CERS3: variants seen among roughly 807,000 people sequenced by gnomAD.
CERS3 encodes LAG1 homolog, ceramide synthase 3.
A neutral mutation model predicts 50.3 loss-of-function variants in CERS3; 33 were observed. The observed-to-expected ratio is 0.66, with a 90% CI of 0.50 to 0.88. The LOEUF (loss-of-function observed/expected upper bound fraction) is 0.88. Ranked by LOEUF, CERS3 falls within the 40% of genes least tolerant of loss-of-function variation. CERS3 has a pLI of 0.00. For synonymous variants in CERS3, 176 were observed against 155.2 expected, an observed-to-expected ratio of 1.13 and a Z score of -0.99; for missense variants, 470 against 460.3, an observed-to-expected ratio of 1.02 and a Z score of -0.19.
At chr15:100,532,874 T>G (rs2036971703), upstream of CERS3, among the ~76,000 whole-genome samples, 1 of 152,346 alleles carries the variant, frequency 6.6e-6, no homozygotes, top group African/African-American at 2.4e-5. Context: ...CTTAGCCATC[T>G]TCATATCCCT....
chr15:100,458,152 A>G (rs1235221383), intron 10 of CERS3, among the ~76,000 whole-genome samples: 2 of 152,238 alleles, frequency 1.3e-5, no homozygotes, highest in African/African-American at 4.8e-5. Flanking sequence ...CAGAACCAGT[A>G]TGAAATAGTT....
At chr15:100,533,537 TTTCC>T (rs947514618), upstream of CERS3, among the ~76,000 whole-genome samples, 4 of 151,048 alleles carry the variant, frequency 2.6e-5, no homozygotes, top group Non-Finnish European at 4.4e-5. Flanking sequence ...TCGTTCCTTC[TTTCC>T]TTCCTTCCTT....
chr15:100,403,254 A>G (rs1365067689), intron 11 of CERS3, among the ~76,000 whole-genome samples: 1 of 152,214 alleles, frequency 6.6e-6, no homozygotes, highest in Non-Finnish European at 1.5e-5. Flanking sequence ...TGTTCAATGC[A>G]GCTAAAATAT....
intron 11 of CERS3, among the ~76,000 whole-genome samples, chr15:100,454,387 C>CAAAAAA (rs59536958): frequency 0.075 from 8,293 of 111,088 alleles, 527 homozygotes; most frequent in Admixed American, 0.11. Context: ...AAGGCATTGT[C>CAAAAAA]AAAAAAAAAA....
chr15:100,493,355 T>TA (rs2142305363), intron 3 of CERS3, among the ~76,000 whole-genome samples: 1 of 152,324 alleles, frequency 6.6e-6, no homozygotes, highest in Admixed American at 6.5e-5. Flanking sequence ...CAGCACTTTT[T>TA]ATGTGTCATT....
chr15:100,402,833 A>T lies in CERS3; in HGVS notation c.1032T>A (p.Asp344Glu). 2 of 1,610,554 alleles carry T rather than the reference A, an allele frequency of 1.2e-6. No individual in the cohort carries two copies. Among genetic ancestry groups the T allele is most frequent in the Non-Finnish European group, 1.7e-6 (2 of 1,178,050 alleles). The change falls in exon 12 of 12, where the codon GAT (aspartate) becomes GAA (glutamate). Residue 344 changes from aspartate (D) to glutamate (E), a missense_variant. Physicochemically the swap from Asp to Glu is conservative, Grantham distance 45 (BLOSUM62 2). Transcript: ENST00000679737. ...SIQDVRSDDE[D>E]YEEEEEEEEE... ...CTTCCTCTTCCTCTTCCTCTTCATA[A>T]TCCTCGTCATCACTCCTCACATCCT... is the stretch of plus-strand genomic sequence containing the variant.
intron 2 of CERS3, among the ~76,000 whole-genome samples, chr15:100,502,251 G>GAAAAAAAAAAAAA (rs58654483): frequency 3.5e-5 from 4 of 113,694 alleles, no homozygotes; most frequent in Non-Finnish European, 5.1e-5. Flanking sequence ...CTCAAAAAAA[G>GAAAAAAAAAAAAA]AAAAAAAAAA....
intron 1 of CERS3, among the ~76,000 whole-genome samples, chr15:100,521,966 A>T (rs904720537): frequency 1.3e-5 from 2 of 152,218 alleles, no homozygotes; most frequent in Admixed American, 1.3e-4. Flanking sequence ...GAATTTGCAC[A>T]TAGAAATCCA....
At chr15:100,465,327 G>A (rs957049411) in intron 10 of CERS3, among the ~76,000 whole-genome samples, 5 of 152,112 alleles carry the variant, frequency 3.3e-5, no homozygotes, top group Non-Finnish European at 5.9e-5. Context: ...AAGCATCCTC[G>A]AAAAATGAAT....
chr15:100,510,187 T>C (rs1002339541), intron 2 of CERS3, among the ~76,000 whole-genome samples: 3 of 152,146 alleles, frequency 2.0e-5, no homozygotes, highest in African/African-American at 7.2e-5. Context: ...ATGCAAATGA[T>C]AGAACAACTT....
intron 11 of CERS3, among the ~76,000 whole-genome samples, chr15:100,404,714 T>C (rs1567585142): frequency 6.6e-6 from 1 of 152,224 alleles, no homozygotes; most frequent in Non-Finnish European, 1.5e-5. Flanking sequence ...CACTGCCAGA[T>C]TTTAAGACTT....
At chr15:100,471,631 C>T (rs2034971801) in intron 9 of CERS3, among the ~76,000 whole-genome samples, 1 of 152,184 alleles carries the variant, frequency 6.6e-6, no homozygotes, top group Admixed American at 6.5e-5. Context: ...GAGGTAATTA[C>T]ACCAGCGAGG....
chr15:100,479,965 C>A, intron 6 of CERS3, 24 bp downstream of exon 6: 5 of 1,561,410 alleles, frequency 3.2e-6, no homozygotes, highest in Non-Finnish European at 4.4e-6. Context: ...AAATTCCAAT[C>A]GAAGATATAA....
At chr15:100,494,956 ATTT>A (rs1356785559) in intron 3 of CERS3, among the ~76,000 whole-genome samples, 1 of 152,168 alleles carries the variant, frequency 6.6e-6, no homozygotes, top group Non-Finnish European at 1.5e-5. Flanking sequence ...CTTTTTGGTC[ATTT>A]TATTGTTTGC....
chr15:100,491,688 T>C (rs2035657051), intron 3 of CERS3, among the ~76,000 whole-genome samples: 1 of 152,226 alleles, frequency 6.6e-6, no homozygotes, highest in Non-Finnish European at 1.5e-5. Context: ...ATTTTAAATA[T>C]AGGTGTTTGC....
At chr15:100,544,498 T>TGCGCGGGGACAC (rs2037307275) in intron 1 of CERS3, 10 of 148,782 alleles carry the variant, frequency 6.7e-5, no homozygotes, top group African/African-American at 2.0e-4. Context: ...GGCCTCGACC[T>TGCGCGGGGACAC]GGGCCTGCGC....
chr15:100,435,919 A>ATTGTGG (rs2033382379), intron 11 of CERS3, among the ~76,000 whole-genome samples: 1 of 152,234 alleles, frequency 6.6e-6, no homozygotes, highest in African/African-American at 2.4e-5. Context: ...CAAAACCACA[A>ATTGTGG]TGAGATAGCA....
intron 8 of CERS3, 103 bp from the exon 9 acceptor site, chr15:100,473,155 CA>C (rs2035022843): frequency 8.1e-7 from 1 of 1,235,624 alleles, no homozygotes. Context: ...CTTACATCTG[CA>C]TGTTTTGAAA....
rs76863389 is a variant in CERS3, at chr15:100,469,338, C to A, written c.845+40G>T. Reference sequence around the variant, plus strand: ...TAACCATGCACTGAGGCCACCTCTGCACACTGACCAAAGGCAGGGCACATC... The same window carrying A: ...TAACCATGCACTGAGGCCACCTCTGAACACTGACCAAAGGCAGGGCACATC... On this transcript the variant is annotated intron_variant, in intron 10 of 11. Transcript: ENST00000679737. 8.7e-3 allele frequency: 13,295 copies of A among 1,521,972 alleles called. 83 individuals carry two copies. The highest frequency in any genetic ancestry group is 0.011 in the Non-Finnish European group (11,986 of 1,096,316). 94.3% of individuals were successfully genotyped at this position (1,521,972 alleles called of 1,614,324 possible). A position where few individuals can be genotyped will look rare whatever the true frequency, so the allele number is the denominator to read the frequency against.
Sources: gnomAD v4.1 joint callset for allele counts (sites outside exome capture counted in the v4.1 genomes callset) on GRCh38, gnomAD v4.1.1 for gene constraint, MANE v1.5 for transcripts, NCBI Gene and HGNC (gene_info 2026-07-23, HGNC 2026-07-21) for gene names.